The following GPR158 variants were observed in gnomAD, a reference collection of about 807,000 sequenced individuals.
GPR158 encodes the protein G protein-coupled receptor 158.
In GPR158, 30 loss-of-function variants were observed where a neutral mutation model predicts 78.2. The ratio of observed to expected loss-of-function variants is 0.38; its 90% confidence interval spans 0.29 to 0.52. The LOEUF (loss-of-function observed/expected upper bound fraction) is 0.52, where lower values mean the gene tolerates loss of function less well. Among genes scored for constraint, GPR158 ranks in the 20% least tolerant of loss-of-function variants. GPR158 has a pLI of 0.83. For missense variants in GPR158, 1,463 were observed against 1,523.5 expected, an observed-to-expected ratio of 0.96 and a Z score of 0.66; for synonymous variants, 581 against 591.1, an observed-to-expected ratio of 0.98 and a Z score of 0.25.
chr10:25,544,244 C>A (rs1028830765), intron 5 of GPR158, among the ~76,000 whole-genome samples: 1 of 152,048 alleles, frequency 6.6e-6, no homozygotes, highest in African/African-American at 2.4e-5. Context: ...GTCTTTATAA[C>A]TATCACTGGC....
intron 2 of GPR158, among the ~76,000 whole-genome samples, chr10:25,395,604 C>A (rs1834354181): frequency 6.6e-6 from 1 of 151,966 alleles, no homozygotes; most frequent in South Asian, 2.1e-4. Flanking sequence ...TTTCTTAAAG[C>A]AATAAGATGA....
At chr10:25,359,443 G>GT (rs1376823059) in intron 2 of GPR158, among the ~76,000 whole-genome samples, 1 of 151,848 alleles carries the variant, frequency 6.6e-6, no homozygotes, top group African/African-American at 2.4e-5. Context: ...AGTATATGAT[G>GT]TTCCCCTCCC....
chr10:25,231,008 A>C (rs1339607195), intron 2 of GPR158, among the ~76,000 whole-genome samples: 2 of 152,248 alleles, frequency 1.3e-5, no homozygotes, highest in African/African-American at 4.8e-5. Context: ...AAAGGGAACC[A>C]CTAAAAGATG....
chr10:25,582,920 C>T (rs924718625), intron 7 of GPR158, among the ~76,000 whole-genome samples: 12 of 152,174 alleles, frequency 7.9e-5, no homozygotes, highest in African/African-American at 2.9e-4. Flanking sequence ...GTTCTAAATA[C>T]AAACAATTGC....
chr10:25,211,222 G>A (rs1853125137), intron 1 of GPR158, among the ~76,000 whole-genome samples: 1 of 151,998 alleles, frequency 6.6e-6, no homozygotes, highest in South Asian at 2.1e-4. Flanking sequence ...ATGCTTTTGG[G>A]TTTTGTTTGT....
chr10:25,371,533 G>A (rs1170728427), intron 2 of GPR158, among the ~76,000 whole-genome samples: 2 of 150,230 alleles, frequency 1.3e-5, no homozygotes, highest in Non-Finnish European at 3.0e-5. Flanking sequence ...ACAGAACAGA[G>A]CCCTCAGAAA....
chr10:25,548,197 G>A (rs902983380), intron 5 of GPR158, among the ~76,000 whole-genome samples: 3 of 152,142 alleles, frequency 2.0e-5, no homozygotes, highest in African/African-American at 7.2e-5. Context: ...TAAGCACACA[G>A]AATATACTGA....
chr10:25,220,477 G>T lies in GPR158; in HGVS notation c.903-575G>T, dbSNP rs537872960. 6.6e-5 allele frequency among the ~76,000 whole-genome samples: 10 copies of T among 152,118 alleles called. No homozygotes were observed. The East Asian group carries it at 1.9e-3, about 29-fold the overall frequency. On this transcript the variant is annotated intron_variant, in intron 1 of 10. Coordinates refer to ENST00000376351, the MANE Select transcript of GPR158 (RefSeq NM_020752.3). ...AGTCTCTTCGTTTCCAGATTTAAAA[G>T]AAAAAAGAATGTAGTCATCATTTCT... is the stretch of plus-strand genomic sequence containing the variant.
intron 7 of GPR158, among the ~76,000 whole-genome samples, chr10:25,576,970 CAAAAA>C (rs765153642): frequency 7.0e-5 from 8 of 113,736 alleles, no homozygotes; most frequent in African/African-American, 2.2e-4. Flanking sequence ...ACAGTGTTCT[CAAAAA>C]AAAAAAAAAA....
chr10:25,406,325 A>G (rs1336265781), intron 3 of GPR158, among the ~76,000 whole-genome samples: 2 of 152,100 alleles, frequency 1.3e-5, no homozygotes, highest in African/African-American at 4.8e-5. Flanking sequence ...GGCATTGTAT[A>G]CAGTTTTTAG....
At chr10:25,344,745 G>A (rs1302522476) in intron 2 of GPR158, among the ~76,000 whole-genome samples, 1 of 151,920 alleles carries the variant, frequency 6.6e-6, no homozygotes, top group East Asian at 1.9e-4. Flanking sequence ...TGAGATGGAA[G>A]CTAGTGTTCA....
At chr10:25,453,653 C>T (rs958892458) in intron 4 of GPR158, among the ~76,000 whole-genome samples, 2 of 152,106 alleles carry the variant, frequency 1.3e-5, no homozygotes, top group African/African-American at 4.8e-5. Context: ...TTGTGCATAT[C>T]TCATTATCCC....
intron 2 of GPR158, among the ~76,000 whole-genome samples, chr10:25,377,295 ATGTT>A (rs1040498438): frequency 2.0e-5 from 3 of 151,850 alleles, no homozygotes; most frequent in African/African-American, 7.2e-5. Context: ...GCCATCATGT[ATGTT>A]TGTTTCTGCA....
At chr10:25,219,182 C>T (rs1223679520) in intron 1 of GPR158, among the ~76,000 whole-genome samples, 1 of 152,192 alleles carries the variant, frequency 6.6e-6, no homozygotes, top group Admixed American at 6.5e-5. Context: ...CTACGTTACT[C>T]CAAGTGATAG....
chr10:25,287,340 G>A (rs1194869740), intron 2 of GPR158, among the ~76,000 whole-genome samples: 1 of 152,070 alleles, frequency 6.6e-6, no homozygotes, highest in Non-Finnish European at 1.5e-5. Flanking sequence ...TTGTTTTGTA[G>A]GGGAGAAAAG....
intron 4 of GPR158, among the ~76,000 whole-genome samples, chr10:25,420,692 G>A (rs113784741): frequency 0.011 from 1,642 of 152,258 alleles, 8 homozygotes; most frequent in Non-Finnish European, 0.016. Context: ...TGAATTTCCA[G>A]TTTTCCCAAC....
intron 2 of GPR158, among the ~76,000 whole-genome samples, chr10:25,370,383 G>T (rs1045940955): frequency 9.0e-6 from 1 of 111,206 alleles, no homozygotes; most frequent in Non-Finnish European, 2.0e-5. Flanking sequence ...GTTCTCGTTG[G>T]TTTCAAAGAA....
At chr10:25,579,708 A>AACTT (rs1436710807) in intron 7 of GPR158, among the ~76,000 whole-genome samples, 1 of 152,232 alleles carries the variant, frequency 6.6e-6, no homozygotes, top group East Asian at 1.9e-4. Context: ...CTGTGCATCA[A>AACTT]ACTTTAATAT....
At chr10:25,280,707 T>TTATG (rs34530811) in intron 2 of GPR158, among the ~76,000 whole-genome samples, 8,133 of 151,438 alleles carry the variant, frequency 0.054, 476 homozygotes, top group African/African-American at 0.14. Context: ...TCAACACATT[T>TTATG]TATGTATGTA....
Sources: gnomAD v4.1 joint callset for allele counts (sites outside exome capture counted in the v4.1 genomes callset) on GRCh38, gnomAD v4.1.1 for gene constraint, MANE v1.5 for transcripts, NCBI Gene and HGNC (gene_info 2026-07-23, HGNC 2026-07-21) for gene names.